ETV1: variants seen among roughly 807,000 people sequenced by gnomAD.
The protein encoded by ETV1 is ETS variant transcription factor 1, also known as ETS translocation variant 1.
Under a neutral mutation model 62.3 loss-of-function variants are expected in ETV1, and 27 were observed. The observed-to-expected ratio is 0.43, with a 90% CI of 0.32 to 0.60. ETV1 has a LOEUF of 0.60. ETV1 is among the 20% of genes least tolerant of loss of function. The probability of loss-of-function intolerance (pLI) is 0.06; values close to 1 mark genes in which losing one functional copy is unlikely to be tolerated. For missense variants in ETV1, 605 were observed against 605.8 expected (o/e 1.00, Z 0.01); for synonymous variants, 222 against 199.6 (o/e 1.11, Z -0.94).
At position 13,894,442 on chromosome 7, in the gene ETV1, G is replaced by A. The variant is rs1189409363; in HGVS notation, c.*1424C>T. On this transcript the variant is annotated 3_prime_UTR_variant, in exon 14 of 14. Transcript: ENST00000430479. ...TTTACAGAAGTGTCCAAAAAGAGATGATGGATAATATCAGTGCCAGCACTA... is the reference window on the plus strand; with the variant it reads ...TTTACAGAAGTGTCCAAAAAGAGATAATGGATAATATCAGTGCCAGCACTA... 4.3e-6 allele frequency: 1 copy of A among 232,528 alleles called. No homozygotes were observed. The highest frequency in any genetic ancestry group is 8.5e-6 in the Non-Finnish European group (1 of 117,476). The allele number at this position is 232,528 out of a possible 1,614,324, so 14.4% of individuals were successfully genotyped here.
In ETV1 at chr7:13,986,068, C is replaced by T. The variant is rs771961701; in HGVS notation, c.181+570G>A. The stretch of plus-strand genomic sequence containing the variant: ...GAAAACATTTTTAAAATCCTCATAT[C>T]TCCCATTTATTTTAAACCCATAGAT... On this transcript the variant is annotated intron_variant, in intron 5 of 13. Transcript: ENST00000430479. 44 of 1,365,308 alleles carry T rather than the reference C, an allele frequency of 3.2e-5. No individual in the cohort carries two copies. In the East Asian group the frequency reaches 1.0e-3, roughly 32 times the overall value. The allele number at this position is 1,365,308 out of a possible 1,614,324, so 84.6% of individuals were successfully genotyped here. A position where few individuals can be genotyped will look rare whatever the true frequency, so the allele number is the denominator to read the frequency against.
Position 13,962,982 on chromosome 7 carries a change from A to T in ETV1, c.235+14445T>A, listed in dbSNP as rs569222901. On this transcript the variant is annotated intron_variant, in intron 6 of 13. Transcript: ENST00000430479. ...AAATCAATGAATAACAACTTTGTAC[A>T]TTTTACTGGAATGCATACAAGGGAA... 2.0e-5 allele frequency among the ~76,000 whole-genome samples: 3 copies of T among 152,228 alleles called. No homozygotes were observed. The South Asian group carries it at 6.2e-4, about 32-fold the overall frequency.
At chr7:13,982,989 T>A (rs935038653) in intron 5 of ETV1, among the ~76,000 whole-genome samples, 1 of 152,048 alleles carries the variant, frequency 6.6e-6, no homozygotes, top group Non-Finnish European at 1.5e-5. Context: ...ACATCTCTGC[T>A]TTTAAGTTGA....
chr7:13,922,884 T>C (rs977420970), intron 9 of ETV1, among the ~76,000 whole-genome samples: 4 of 152,206 alleles, frequency 2.6e-5, no homozygotes, highest in Non-Finnish European at 2.9e-5. Context: ...GAAAAGTGTA[T>C]TGGAAAATAT....
intron 12 of ETV1, 57 bp from the exon 13 acceptor site, chr7:13,900,896 A>T (rs771580110): frequency 2.5e-6 from 3 of 1,176,770 alleles, no homozygotes; most frequent in Admixed American, 2.3e-5. Flanking sequence ...AGCATATTTC[A>T]TAAAAATTAT....
At chr7:13,958,160 T>A (rs572271462) in intron 6 of ETV1, among the ~76,000 whole-genome samples, 1 of 152,252 alleles carries the variant, frequency 6.6e-6, no homozygotes, top group Non-Finnish European at 1.5e-5. Context: ...TATGGTTAAC[T>A]AGAAGTGTGC....
intron 6 of ETV1, among the ~76,000 whole-genome samples, chr7:13,974,450 GA>G (rs2128497300): frequency 6.6e-6 from 1 of 152,286 alleles, no homozygotes; most frequent in South Asian, 2.1e-4. Context: ...AGTTTAAGAA[GA>G]AAAGTAACAA....
chr7:13,982,052 G>A (rs1206269384), intron 5 of ETV1, among the ~76,000 whole-genome samples: 2 of 151,988 alleles, frequency 1.3e-5, no homozygotes, highest in Non-Finnish European at 2.9e-5. Flanking sequence ...ACTTTCCAAT[G>A]ACAAAACACC....
At chr7:13,960,119 G>T (rs1789995076) in intron 6 of ETV1, among the ~76,000 whole-genome samples, 1 of 152,070 alleles carries the variant, frequency 6.6e-6, no homozygotes, top group African/African-American at 2.4e-5. Flanking sequence ...TGGAAAGGAA[G>T]ACGGTGTTCA....
At chr7:13,971,823 T>C (rs1325954045) in intron 6 of ETV1, among the ~76,000 whole-genome samples, 1 of 152,030 alleles carries the variant, frequency 6.6e-6, no homozygotes, top group African/African-American at 2.4e-5. Context: ...AGATGAATGA[T>C]ATAACGGCCA....
At chr7:13,964,800 G>T (rs1422324070) in intron 6 of ETV1, among the ~76,000 whole-genome samples, 3 of 151,962 alleles carry the variant, frequency 2.0e-5, no homozygotes, top group Non-Finnish European at 4.4e-5. Flanking sequence ...AAGCATCCAG[G>T]TTCATACTTT....
intron 3 of ETV1, 148 bp downstream of exon 3, chr7:13,988,860 C>A: frequency 6.3e-7 from 1 of 1,584,314 alleles, no homozygotes. Context: ...GACTGGGCTT[C>A]TAGAAGCAGA....
intron 6 of ETV1, among the ~76,000 whole-genome samples, chr7:13,953,257 T>C (rs1789034798): frequency 6.6e-6 from 1 of 152,162 alleles, no homozygotes; most frequent in African/African-American, 2.4e-5. Flanking sequence ...TGAATCAAGA[T>C]ACCCATCCAA....
chr7:13,952,204 G>A (rs73679049), intron 6 of ETV1, among the ~76,000 whole-genome samples: 11,190 of 152,142 alleles, frequency 0.074, 538 homozygotes, highest in African/African-American at 0.13. Context: ...GCATAATCAT[G>A]GACTAACTGT....
rs1781430473 is a variant in ETV1, at chr7:13,892,211, G to A, written c.*3655C>T. The A allele has an allele frequency of 8.6e-6, 2 of 232,256 alleles. No homozygotes were observed. The highest frequency in any genetic ancestry group is 4.4e-5 in the African/African-American group (2 of 45,248). 14.4% of individuals were successfully genotyped at this position (232,256 alleles called of 1,614,324 possible). A position where few individuals can be genotyped will look rare whatever the true frequency, so the allele number is the denominator to read the frequency against. The stretch of plus-strand genomic sequence containing the variant: ...GAAATGTATTAAAAAATAAAATCTG[G>A]ATTAGACCACTGATTTAACTGTTAT... On this transcript the variant is annotated 3_prime_UTR_variant, in exon 14 of 14. Coordinates refer to ENST00000430479, the MANE Select transcript of ETV1 (RefSeq NM_004956.5).
rs146071373 is a variant in ETV1, at chr7:13,912,223, T to C, written c.803-916A>G. Among the ~76,000 whole-genome samples the C allele has an allele frequency of 5.6e-3, 854 of 152,294 alleles. 17 individuals carry two copies. The highest frequency in any genetic ancestry group is 0.042 in the Admixed American group (647 of 15,290). ...CATATAAGTGTGACTAAATGCAGTC[T>C]TTCCTTCCCAGAGTGGGAGAAAAGG... On this transcript the variant is annotated intron_variant, in intron 9 of 13. Coordinates refer to ENST00000430479, the MANE Select transcript of ETV1 (RefSeq NM_004956.5).
chr7:13,900,714 T>G, intron 13 of ETV1, 24 bp downstream of exon 13: 1 of 1,469,268 alleles, frequency 6.8e-7, no homozygotes, highest in Non-Finnish European at 9.4e-7. Flanking sequence ...TTCAATGAAT[T>G]TTAATGCTGT....
Position 13,931,040 on chromosome 7 carries a change from C to T in ETV1, c.802+462G>A, listed in dbSNP as rs141536790. Reference sequence around the variant, plus strand: ...TGGCCTCGATCTCGGTCTCAGCCTCCCAAAGTGCTGGGATTACAGGCGTGA... The same window carrying T: ...TGGCCTCGATCTCGGTCTCAGCCTCTCAAAGTGCTGGGATTACAGGCGTGA... On this transcript the variant is annotated intron_variant, in intron 9 of 13. Coordinates refer to ENST00000430479, the MANE Select transcript of ETV1 (RefSeq NM_004956.5). 8.7e-3 allele frequency among the ~76,000 whole-genome samples: 1,323 copies of T among 152,086 alleles called. 21 individuals carry two copies. Among genetic ancestry groups the T allele is most frequent in the African/African-American group, 0.03 (1,261 of 41,470 alleles).
At chr7:13,937,975 C>T (rs1324247467) in intron 7 of ETV1, among the ~76,000 whole-genome samples, 2 of 152,160 alleles carry the variant, frequency 1.3e-5, no homozygotes, top group Non-Finnish European at 2.9e-5. Flanking sequence ...GATGGAGTCT[C>T]GCTCTTGTTG....
Sources: allele counts gnomAD v4.1 joint callset (sites outside exome capture counted in the v4.1 genomes callset), GRCh38; gene constraint gnomAD v4.1.1; transcripts MANE v1.5; gene names NCBI Gene and HGNC (gene_info 2026-07-23, HGNC 2026-07-21).